The following CCDC144A variants were observed in gnomAD, a reference collection of about 807,000 sequenced individuals.
The protein encoded by CCDC144A is coiled-coil domain containing 144A, also known as coiled-coil domain-containing protein 144A.
Under a neutral mutation model 143.8 loss-of-function variants are expected in CCDC144A, and 41 were observed. The ratio of observed to expected loss-of-function variants is 0.29; its 90% CI spans 0.22 to 0.37. CCDC144A has a LOEUF of 0.37. Ranked by LOEUF, CCDC144A falls within the 10% of genes least tolerant of loss-of-function variation. The pLI is 1.00. For missense variants in CCDC144A, 637 were observed against 1,488.8 expected, an observed-to-expected ratio of 0.43 and a Z score of 9.41; for synonymous variants, 242 against 517.9, an observed-to-expected ratio of 0.47 and a Z score of 7.23.
In CCDC144A at chr17:16,777,079, G is replaced by A. The variant is rs1400109599; in HGVS notation, c.*3446G>A. 5.0e-5 allele frequency: 7 copies of A among 139,058 alleles called. No homozygotes were observed. Among genetic ancestry groups the A allele is most frequent in the Non-Finnish European group, 1.1e-4 (7 of 65,400 alleles). 8.6% of individuals were successfully genotyped at this position (139,058 alleles called of 1,614,324 possible). On this transcript the variant is annotated 3_prime_UTR_variant, in exon 17 of 17. Transcript: ENST00000399273. ...TAGCTGTTCTTATATCAGACAAAAC[G>A]GACTTTAAGACAACAGCAGTTTTAA...
At chr17:16,703,923 A>G (rs1468483079) in intron 2 of CCDC144A, among the ~76,000 whole-genome samples, 1 of 152,176 alleles carries the variant, frequency 6.6e-6, no homozygotes, top group Non-Finnish European at 1.5e-5. Context: ...TGTCTATGAA[A>G]AGCTCCACTG....
At chr17:16,710,695 A>T (rs1912353970) in intron 5 of CCDC144A, among the ~76,000 whole-genome samples, 1 of 152,122 alleles carries the variant, frequency 6.6e-6, no homozygotes, top group Admixed American at 6.6e-5. Flanking sequence ...TTAGTATATG[A>T]TGCCAAAGTA....
Position 16,724,787 on chromosome 17 carries a change from A to ATTTTTTTTTTTTTTTTTTTTTTTTT in CCDC144A, c.1892-2728_1892-2704dup, listed in dbSNP as rs760344292. 5.7e-5 allele frequency among the ~76,000 whole-genome samples: 2 copies of ATTTTTTTTTTTTTTTTTTTTTTTTT among 35,068 alleles called. 1 individual carries two copies. Among genetic ancestry groups the ATTTTTTTTTTTTTTTTTTTTTTTTT allele is most frequent in the African/African-American group, 2.2e-4 (2 of 9,224 alleles). 23.0% of individuals were successfully genotyped at this position (35,068 alleles called of 152,430 possible). On this transcript the variant is annotated intron_variant, in intron 8 of 16. Coordinates refer to ENST00000399273, the MANE Select transcript of CCDC144A (RefSeq NM_001382000.1). ...AGATTACACGTTCTTGATTAACTGA[A>ATTTTTTTTTTTTTTTTTTTTTTTTT]TTTTTTTTTTTTTTTTTTTTTTTTT...
chr17:16,692,657 A>G (rs576855858), intron 1 of CCDC144A, among the ~76,000 whole-genome samples: 50 of 152,058 alleles, frequency 3.3e-4, no homozygotes, highest in African/African-American at 1.2e-3. Context: ...GCTTTTTAGA[A>G]GAATACATTG....
intron 12 of CCDC144A, among the ~76,000 whole-genome samples, chr17:16,753,556 G>A (rs1438220391): frequency 6.9e-6 from 1 of 145,958 alleles, no homozygotes; most frequent in Non-Finnish European, 1.5e-5. Context: ...GTCTTTTTAT[G>A]CTAGTTGATT....
chr17:16,690,770 G>A (rs756265727), intron 1 of CCDC144A, 26 bp downstream of exon 1: 5 of 1,570,840 alleles, frequency 3.2e-6, no homozygotes, highest in Admixed American at 1.8e-5. Context: ...AGGATGCGCC[G>A]TCCTGTCGGG....
Position 16,753,914 on chromosome 17 carries a change from T to G in CCDC144A, c.3373-7511T>G, listed in dbSNP as rs535513542. Among the ~76,000 whole-genome samples the G allele has an allele frequency of 7.2e-5, 11 of 152,382 alleles. No individual in the cohort carries two copies. In the East Asian group the frequency reaches 2.1e-3, roughly 29 times the overall value. On this transcript the variant is annotated intron_variant, in intron 12 of 16. Transcript: ENST00000399273. ...GGAATAATTTATGAAAAATTGGTGT[T>G]AGTTTTTCCTTAAAAGTTTAGTAGA...
At chr17:16,770,424 C>CA (rs1915782320) in intron 15 of CCDC144A, among the ~76,000 whole-genome samples, 1 of 152,244 alleles carries the variant, frequency 6.6e-6, no homozygotes, top group Admixed American at 6.5e-5. Flanking sequence ...GCTGGGATTA[C>CA]AGGTGTGAGC....
At chr17:16,666,862 C>G in the CCDC144A span, 1 of 152,866 alleles carries the variant, frequency 6.5e-6, no homozygotes, top group African/African-American at 2.4e-5. Context: ...TGGCGTTGGG[C>G]ACAGATCACC....
At chr17:16,703,181 C>A (rs1490190476) in intron 2 of CCDC144A, among the ~76,000 whole-genome samples, 3 of 152,052 alleles carry the variant, frequency 2.0e-5, no homozygotes, top group Non-Finnish European at 4.4e-5. Flanking sequence ...TATGTCCATT[C>A]CCTTTTAAAA....
At chr17:16,753,428 G>GTTTTTTTTTTTTTTTTTTTTTT in intron 12 of CCDC144A, among the ~76,000 whole-genome samples, 3 of 57,376 alleles carry the variant, frequency 5.2e-5, no homozygotes, top group African/African-American at 1.4e-4. Flanking sequence ...GTGTTTTGTA[G>GTTTTTTTTTTTTTTTTTTTTTT]TTTTTTTTTT....
At chr17:16,711,154 A>AAAAAAAAAAAAAAAAAAAAC (rs1261984842) in intron 5 of CCDC144A, among the ~76,000 whole-genome samples, 2 of 142,552 alleles carry the variant, frequency 1.4e-5, no homozygotes, top group African/African-American at 5.2e-5. Flanking sequence ...AAAAAAAAAA[A>AAAAAAAAAAAAAAAAAAAAC]AAAACAAAAG....
intron 16 of CCDC144A, among the ~76,000 whole-genome samples, 193 bp downstream of exon 16, chr17:16,772,212 C>T (rs1338613143): frequency 6.6e-6 from 1 of 152,134 alleles, no homozygotes; most frequent in African/African-American, 2.4e-5. Context: ...GAATTCATCA[C>T]GTTCCATAGC....
At chr17:16,755,542 G>A (rs1422080713) in intron 12 of CCDC144A, among the ~76,000 whole-genome samples, 28 of 152,110 alleles carry the variant, frequency 1.8e-4, no homozygotes, top group African/African-American at 1.2e-4. Flanking sequence ...TGTCTGAGAC[G>A]TTATTTCTTT....
At chr17:16,742,430 C>T (rs1244158181) in intron 12 of CCDC144A, among the ~76,000 whole-genome samples, 1 of 152,028 alleles carries the variant, frequency 6.6e-6, no homozygotes, top group Admixed American at 6.5e-5. Context: ...TGGACATATA[C>T]CACATTTTCT....
intron 2 of CCDC144A, among the ~76,000 whole-genome samples, chr17:16,693,871 AG>A (rs1911244601): frequency 6.7e-6 from 1 of 148,928 alleles, no homozygotes; most frequent in Non-Finnish European, 1.5e-5. Context: ...ACTGTTGACC[AG>A]CAGCCTTATT....
chr17:16,686,091 GTTTTTTTTTT>G (rs67135656), upstream of CCDC144A, among the ~76,000 whole-genome samples: 1 of 114,710 alleles, frequency 8.7e-6, no homozygotes, highest in African/African-American at 3.3e-5. Context: ...TGTTTTTTTT[GTTTTTTTTTT>G]TTTTTTTTTT....
rs529204753 is a variant in CCDC144A at position 16,737,711 on chromosome 17, A to G, written c.3372+2068A>G. 291 of 999,710 alleles carry G rather than the reference A, an allele frequency of 2.9e-4. 1 individual carries two copies. The African/African-American group carries it at 4.4e-3, about 15-fold the overall frequency. 61.9% of individuals were successfully genotyped at this position (999,710 alleles called of 1,614,324 possible). On this transcript the variant is annotated intron_variant, in intron 12 of 16. Transcript: ENST00000399273. ...AACATAACATGTCAACAGTTAATCT[A>G]TAGGTGGTGAAATAATGTCAGATGT... is the stretch of plus-strand genomic sequence containing the variant.
Position 16,708,256 on chromosome 17 carries a change from A to G in CCDC144A, c.739-540A>G, listed in dbSNP as rs2543873. 6.3e-3 allele frequency among the ~76,000 whole-genome samples: 953 copies of G among 152,322 alleles called. 12 individuals carry two copies. The highest frequency in any genetic ancestry group is 0.013 in the African/African-American group (550 of 41,572). ...CCTATGATGTTACAGTATATAATTT[A>G]AATTAAAACTTAAGAATTTGCTTTT... On this transcript the variant is annotated intron_variant, in intron 4 of 16. Coordinates refer to ENST00000399273, the MANE Select transcript of CCDC144A (RefSeq NM_001382000.1).
Sources: allele counts gnomAD v4.1 joint callset (sites outside exome capture counted in the v4.1 genomes callset), GRCh38; gene constraint gnomAD v4.1.1; transcripts MANE v1.5; gene names NCBI Gene and HGNC (gene_info 2026-07-23, HGNC 2026-07-21).